Variants in RSRC1 observed in about 807,000 individuals in gnomAD.
RSRC1 encodes serine/Arginine-related protein 53.
Under a neutral mutation model 49.1 loss-of-function variants are expected in RSRC1, and 39 were observed. The ratio of observed to expected loss-of-function variants is 0.79; its 90% CI spans 0.61 to 1.04. The LOEUF is 1.04. RSRC1 is among the 50% of genes least tolerant of loss of function. The pLI, the probability that RSRC1 is intolerant of heterozygous loss-of-function variation, is 0.00. For missense variants in RSRC1, 388 were observed against 402.4 expected, an observed-to-expected ratio of 0.96 and a Z score of 0.31; for synonymous variants, 143 against 130.8, an observed-to-expected ratio of 1.09 and a Z score of -0.63.
chr3:158,411,954 A>G (rs1211874099), intron 6 of RSRC1, among the ~76,000 whole-genome samples: 2 of 152,114 alleles, frequency 1.3e-5, no homozygotes, highest in African/African-American at 2.4e-5. Context: ...GTTTCAGGAT[A>G]TATATTTAAG....
At chr3:158,114,657 G>A (rs111507864) in intron 1 of RSRC1, among the ~76,000 whole-genome samples, 4,352 of 152,098 alleles carry the variant, frequency 0.029, 210 homozygotes, top group African/African-American at 0.1. Context: ...CCACTTGTTT[G>A]TGTCCTCTCT....
chr3:158,302,480 T>C (rs1174414327), intron 5 of RSRC1, among the ~76,000 whole-genome samples: 1 of 151,584 alleles, frequency 6.6e-6, no homozygotes, highest in Non-Finnish European at 1.5e-5. Context: ...GGCCTTCTGA[T>C]AATGACCCCG....
chr3:158,437,141 G>A (rs936337958), intron 6 of RSRC1, among the ~76,000 whole-genome samples: 1 of 151,638 alleles, frequency 6.6e-6, no homozygotes, highest in Admixed American at 6.6e-5. Context: ...TTTGGATGGG[G>A]ATCTGAAGAA....
intron 3 of RSRC1, among the ~76,000 whole-genome samples, chr3:158,159,671 G>A (rs1718096405): frequency 1.3e-5 from 2 of 152,028 alleles, no homozygotes; most frequent in African/African-American, 4.8e-5. Flanking sequence ...GCATTTGAGA[G>A]TGTTTTGAAT....
At position 158,283,519 on chromosome 3, in the gene RSRC1, T is replaced by G. The variant is rs552267062; in HGVS notation, c.495-14520T>G. On this transcript the variant is annotated intron_variant, in intron 4 of 9. Transcript: ENST00000611884. The stretch of plus-strand genomic sequence containing the variant: ...TTGTAACATGATTTAAAAAAAAAAC[T>G]TACTATAGCACAAGACCATTTCGTG... 9.9e-5 allele frequency among the ~76,000 whole-genome samples: 15 copies of G among 152,250 alleles called. No individual in the cohort carries two copies. In the East Asian group the frequency reaches 2.9e-3, roughly 29 times the overall value.
At chr3:158,272,635 T>G (rs1578269510) in intron 4 of RSRC1, among the ~76,000 whole-genome samples, 4 of 152,194 alleles carry the variant, frequency 2.6e-5, no homozygotes, top group Admixed American at 2.6e-4. Context: ...CAGTAGTAAC[T>G]GGGGGAAAAG....
chr3:158,514,814 A>G (rs1740410807), intron 7 of RSRC1, among the ~76,000 whole-genome samples: 1 of 152,204 alleles, frequency 6.6e-6, no homozygotes, highest in Non-Finnish European at 1.5e-5. Flanking sequence ...TATTGGGTGC[A>G]TATATAATTA....
At chr3:158,293,153 A>G (rs1727035301) in intron 4 of RSRC1, among the ~76,000 whole-genome samples, 1 of 152,102 alleles carries the variant, frequency 6.6e-6, no homozygotes, top group Non-Finnish European at 1.5e-5. Context: ...AGCTTTATGT[A>G]TATGCAAACC....
intron 1 of RSRC1, among the ~76,000 whole-genome samples, chr3:158,117,120 T>A (rs1432950498): frequency 1.3e-5 from 2 of 152,210 alleles, no homozygotes; most frequent in Non-Finnish European, 2.9e-5. Context: ...AAGGCTAGTC[T>A]CCGTTGTTTT....
chr3:158,142,424 G>C (rs117960754), intron 3 of RSRC1, among the ~76,000 whole-genome samples: 2 of 152,050 alleles, frequency 1.3e-5, no homozygotes, highest in Non-Finnish European at 2.9e-5. Flanking sequence ...TTTATTTTTC[G>C]TACCAACGGT....
intron 3 of RSRC1, among the ~76,000 whole-genome samples, chr3:158,198,269 T>G (rs1404346845): frequency 1.3e-5 from 2 of 152,116 alleles, no homozygotes; most frequent in African/African-American, 4.8e-5. Flanking sequence ...CTCTTTTGAT[T>G]TGTGTTGGTT....
chr3:158,366,477 G>T (rs1223482022), intron 6 of RSRC1, among the ~76,000 whole-genome samples: 1 of 152,082 alleles, frequency 6.6e-6, no homozygotes, highest in African/African-American at 2.4e-5. Context: ...CATTATTTCT[G>T]AGGCCTCTGT....
At position 158,487,050 on chromosome 3, in the gene RSRC1, A is replaced by G. The variant is rs6803536; in HGVS notation, c.652+26047A>G. On this transcript the variant is annotated intron_variant, in intron 7 of 9. Transcript: ENST00000611884. Reference sequence around the variant, plus strand: ...AATATCTCGATTGCAAACACCTTATATTTTTCCTAATTTTGAGGAGTCAGC... The same window carrying G: ...AATATCTCGATTGCAAACACCTTATGTTTTTCCTAATTTTGAGGAGTCAGC... Among the ~76,000 whole-genome samples the G allele has an allele frequency of 5.0e-3, 762 of 152,034 alleles. 10 individuals carry two copies. The highest frequency in any genetic ancestry group is 0.017 in the African/African-American group (725 of 41,450).
chr3:158,219,316 C>G (rs1040527524), intron 4 of RSRC1, among the ~76,000 whole-genome samples: 1 of 151,330 alleles, frequency 6.6e-6, no homozygotes, highest in Non-Finnish European at 1.5e-5. Flanking sequence ...TCATTCTCCT[C>G]CTCTTTTTCC....
intron 4 of RSRC1, among the ~76,000 whole-genome samples, chr3:158,238,648 A>G (rs934367810): frequency 6.6e-6 from 1 of 152,226 alleles, no homozygotes; most frequent in Non-Finnish European, 1.5e-5. Flanking sequence ...TGGTGCTTGG[A>G]AAACTGGCTA....
intron 3 of RSRC1, among the ~76,000 whole-genome samples, chr3:158,165,950 A>G (rs1718505485): frequency 6.6e-6 from 1 of 152,214 alleles, no homozygotes. Context: ...ACAACATTTT[A>G]GGGCTTTTAA....
chr3:158,397,648 A>G (rs1733684177), intron 6 of RSRC1, among the ~76,000 whole-genome samples: 1 of 152,136 alleles, frequency 6.6e-6, no homozygotes, highest in Non-Finnish European at 1.5e-5. Flanking sequence ...AATATCTAGT[A>G]ATAATGGAAA....
intron 4 of RSRC1, among the ~76,000 whole-genome samples, chr3:158,249,471 T>G (rs1013488171): frequency 2.0e-5 from 3 of 152,230 alleles, no homozygotes; most frequent in Non-Finnish European, 1.5e-5. Flanking sequence ...AGTATTCTAT[T>G]AAATATTATG....
At chr3:158,288,713 A>G (rs1020317351) in intron 4 of RSRC1, among the ~76,000 whole-genome samples, 4 of 152,094 alleles carry the variant, frequency 2.6e-5, no homozygotes, top group Admixed American at 6.5e-5. Context: ...TATTATATCT[A>G]GATTGCTTAT....
Sources: gnomAD v4.1 joint callset for allele counts (sites outside exome capture counted in the v4.1 genomes callset) on GRCh38, gnomAD v4.1.1 for gene constraint, MANE v1.5 for transcripts, NCBI Gene and HGNC (gene_info 2026-07-23, HGNC 2026-07-21) for gene names.